MLKL: variants seen among roughly 807,000 people sequenced by gnomAD.
The protein encoded by MLKL is mixed lineage kinase domain-like protein.
In MLKL, 55 loss-of-function variants were observed where a neutral mutation model predicts 56.5. That is an observed-to-expected ratio of 0.97 (90% CI 0.78 to 1.22). MLKL has a LOEUF of 1.22. Ranked by LOEUF, MLKL falls within the 50% of genes most tolerant of loss-of-function variation. MLKL has a pLI of 0.00. For missense variants in MLKL, 694 were observed against 573.9 expected, an observed-to-expected ratio of 1.21 and a Z score of -2.14; for synonymous variants, 251 against 208.3, an observed-to-expected ratio of 1.20 and a Z score of -1.76.
intron 5 of MLKL, among the ~76,000 whole-genome samples, chr16:74,683,292 C>CA (rs35354922): frequency 0.54 from 70,379 of 130,932 alleles, 18,383 homozygotes; most frequent in East Asian, 0.74. Flanking sequence ...CACTACATCT[C>CA]AAAAAAAAAA....
chr16:74,675,076 T>C lies in MLKL; in HGVS notation c.1265A>G (p.Lys422Arg). 1 of 1,614,150 alleles carries C rather than the reference T, an allele frequency of 6.2e-7. No individual in the cohort carries two copies. The highest frequency in any genetic ancestry group is 8.5e-7 in the Non-Finnish European group (1 of 1,180,016). Residue 422 changes from lysine (K) to arginine (R), a missense_variant, in exon 10 of 11, where the codon AAG (lysine) becomes AGG (arginine). Transcript: ENST00000308807. ...FQGCNSEKIR[K>R]LVAVKRQQEP... is the part of the protein sequence containing the mutation. Reference sequence around the variant, plus strand: ...CTGCTGCCGCTTCACAGCCACCAGCTTGCGGATCTTCTCAGAATTACAGCC... The same window carrying C: ...CTGCTGCCGCTTCACAGCCACCAGCCTGCGGATCTTCTCAGAATTACAGCC...
chr16:74,697,022 T>G (rs1961089008), intron 1 of MLKL, among the ~76,000 whole-genome samples: 2 of 147,524 alleles, frequency 1.4e-5, no homozygotes, highest in Admixed American at 6.8e-5. Context: ...TACATATATA[T>G]AGTAATACAT....
intron 5 of MLKL, among the ~76,000 whole-genome samples, chr16:74,683,593 CA>C (rs35511363): frequency 0.42 from 52,071 of 123,250 alleles, 9,354 homozygotes; most frequent in Middle Eastern, 0.51. Context: ...GACTCTGTCT[CA>C]AAAAAAAAAA....
intron 5 of MLKL, among the ~76,000 whole-genome samples, chr16:74,684,670 A>G (rs1960220212): frequency 6.7e-6 from 1 of 149,774 alleles, no homozygotes. Flanking sequence ...AATTTTTTGT[A>G]TTTTTAGTAG....
Position 74,685,481 on chromosome 16 carries a change from C to T in MLKL, c.820+5G>A, listed in dbSNP as rs755461996. On this transcript the variant is annotated splice_donor_5th_base_variant and intron_variant, in intron 5 of 10. Coordinates refer to ENST00000308807, the MANE Select transcript of MLKL (RefSeq NM_152649.4). ...AGCTTGACCAATCCTAGAAGCATTC[C>T]TTACCTGTTTCATCAATGCAAATCC... 2 of 1,611,084 alleles carry T rather than the reference C, an allele frequency of 1.2e-6. No individual in the cohort carries two copies. The highest frequency in any genetic ancestry group is 1.7e-6 in the Non-Finnish European group (2 of 1,177,352).
At chr16:74,682,602 G>A in intron 6 of MLKL, 49 bp downstream of exon 6, 1 of 1,606,180 alleles carries the variant, frequency 6.2e-7, no homozygotes, top group Non-Finnish European at 8.5e-7. Flanking sequence ...TATCAGGAGT[G>A]TGGACAGACC....
At chr16:74,680,718 G>A (rs1347390774) in intron 6 of MLKL, among the ~76,000 whole-genome samples, 1 of 152,134 alleles carries the variant, frequency 6.6e-6, no homozygotes, top group African/African-American at 2.4e-5. Flanking sequence ...TGTTGGGCAG[G>A]ATGCTCTTGA....
intron 1 of MLKL, among the ~76,000 whole-genome samples, chr16:74,700,126 TTCTC>T (rs1051322253): frequency 2.0e-5 from 3 of 151,974 alleles, no homozygotes; most frequent in Non-Finnish European, 4.4e-5. Context: ...CATTTCCCTC[TTCTC>T]TCTCTCTCAC....
intron 1 of MLKL, among the ~76,000 whole-genome samples, chr16:74,696,131 C>T (rs1258416376): frequency 2.0e-5 from 3 of 152,142 alleles, no homozygotes; most frequent in Non-Finnish European, 4.4e-5. Flanking sequence ...GGTGAAGCGG[C>T]CCTGGGGTGG....
Position 74,691,384 on chromosome 16 carries a change from C to G in MLKL, c.615G>C (p.Pro205=), listed in dbSNP as rs35430251. The G allele has an allele frequency of 1.9e-6, 3 of 1,614,066 alleles. No homozygotes were observed. Among genetic ancestry groups the G allele is most frequent in the Admixed American group, 1.7e-5 (1 of 60,006 alleles). Residue 205 remains proline (P), a synonymous_variant, in exon 4 of 11, where the codon CCG becomes CCC. Transcript: ENST00000308807. ...CTTCATTTTCCCTTAGCAGAATCCA[C>G]GGGGATCCTGAAAGCTGCTCCTTCT... is the stretch of plus-strand genomic sequence containing the variant. ...EIKKEQLSGS[P]WILLRENEVS... is the part of the protein sequence containing the mutation.
intron 4 of MLKL, among the ~76,000 whole-genome samples, chr16:74,689,328 C>T (rs1428434858): frequency 6.6e-6 from 1 of 152,048 alleles, no homozygotes; most frequent in South Asian, 2.1e-4. Context: ...GTTGGCCAGG[C>T]TGGTCTTGAA....
intron 5 of MLKL, among the ~76,000 whole-genome samples, chr16:74,684,232 G>A (rs1463585839): frequency 2.6e-5 from 4 of 151,998 alleles, no homozygotes; most frequent in African/African-American, 7.3e-5. Flanking sequence ...ACAGATGTGA[G>A]CCACCGTGCC....
At position 74,675,523 on chromosome 16, in the gene MLKL, G is replaced by C. The variant is rs1055528322; in HGVS notation, c.1190+90C>G. The C allele has an allele frequency of 5.7e-6, 9 of 1,570,188 alleles. No homozygotes were observed. In the African/African-American group the frequency reaches 9.5e-5, roughly 17 times the overall value. On this transcript the variant is annotated intron_variant, in intron 8 of 10. Transcript: ENST00000308807. ...TTACTACCCAATTTCATTCAACAGA[G>C]TTGAGTTTAGGTGGTCCTTGGAGGA... is the stretch of plus-strand genomic sequence containing the variant.
intron 10 of MLKL, among the ~76,000 whole-genome samples, chr16:74,674,008 A>G (rs948093958): frequency 6.6e-6 from 1 of 151,922 alleles, no homozygotes; most frequent in African/African-American, 2.4e-5. Flanking sequence ...AAGGAAGGAA[A>G]TAGGCAGGAA....
Position 74,691,448 on chromosome 16 carries a change from C to T in MLKL, c.551G>A (p.Cys184Tyr). Residue 184 changes from cysteine (C) to tyrosine (Y), a missense_variant, in exon 4 of 11, where the codon TGC becomes TAC. Physicochemically the swap from Cys to Tyr is radical, Grantham distance 194. Transcript: ENST00000308807. ...ETLRQYLPPKCMQEIPQEQIK... is the reference protein window; with the variant it reads ...ETLRQYLPPKYMQEIPQEQIK... ...TTGCTCTTGCGGGATCTCCTGCATG[C>T]ATTTTGGTGGTAAATCTGACCTCAC... 6.2e-7 allele frequency: 1 copy of T among 1,613,096 alleles called. No homozygotes were observed. Among genetic ancestry groups the T allele is most frequent in the South Asian group, 1.1e-5 (1 of 91,010 alleles).
intron 1 of MLKL, among the ~76,000 whole-genome samples, chr16:74,698,849 C>T (rs1025431243): frequency 1.3e-5 from 2 of 152,178 alleles, no homozygotes; most frequent in Non-Finnish European, 2.9e-5. Context: ...CACATTGGCT[C>T]ATGCCTGTAA....
intron 1 of MLKL, among the ~76,000 whole-genome samples, chr16:74,696,398 C>CAGAT (rs1184373583): frequency 6.6e-6 from 1 of 151,946 alleles, no homozygotes; most frequent in African/African-American, 2.4e-5. Flanking sequence ...TTTACTGCCA[C>CAGAT]AGATAAATAT....
intron 6 of MLKL, among the ~76,000 whole-genome samples, chr16:74,679,602 G>A (rs1199630426): frequency 6.6e-6 from 1 of 152,176 alleles, no homozygotes; most frequent in East Asian, 1.9e-4. Flanking sequence ...GAGGTCAGGA[G>A]TTTGAGACCA....
intron 4 of MLKL, among the ~76,000 whole-genome samples, chr16:74,687,532 A>C (rs1960407193): frequency 6.6e-6 from 1 of 152,252 alleles, no homozygotes; most frequent in Non-Finnish European, 1.5e-5. Flanking sequence ...AAGCTGGAAG[A>C]CTTATACTTC....
Sources: allele counts gnomAD v4.1 joint callset (sites outside exome capture counted in the v4.1 genomes callset), GRCh38; gene constraint gnomAD v4.1.1; transcripts MANE v1.5; gene names NCBI Gene and HGNC (gene_info 2026-07-23, HGNC 2026-07-21).